Variants in RPH3AL observed in about 807,000 individuals in gnomAD.
RPH3AL encodes the protein rab effector Noc2.
Under a neutral mutation model 43.1 loss-of-function variants are expected in RPH3AL, and 38 were observed. The ratio of observed to expected loss-of-function variants is 0.88; its 90% CI spans 0.68 to 1.15. The LOEUF (loss-of-function observed/expected upper bound fraction) is 1.15, where lower values mean the gene tolerates loss of function less well. RPH3AL is among the 50% of genes most tolerant of loss of function. The probability of loss-of-function intolerance (pLI) is 0.00; values close to 1 mark genes in which losing one functional copy is unlikely to be tolerated. For synonymous variants in RPH3AL, 189 were observed against 176.3 expected (o/e 1.07, Z -0.57); for missense variants, 462 against 423.2 (o/e 1.09, Z -0.81).
intron 6 of RPH3AL, among the ~76,000 whole-genome samples, chr17:253,522 T>G (rs2041969214): frequency 6.6e-6 from 1 of 152,164 alleles, no homozygotes; most frequent in Admixed American, 6.5e-5. Flanking sequence ...TAAAAATGTT[T>G]CCATTGTATT....
rs116821239 is a variant in RPH3AL, at chr17:280,946, A to T, written c.438+822T>A. Among the ~76,000 whole-genome samples the T allele has an allele frequency of 5.2e-3, 786 of 152,282 alleles. 6 individuals are homozygous for T. Among genetic ancestry groups the T allele is most frequent in the African/African-American group, 0.017 (723 of 41,560 alleles). On this transcript the variant is annotated intron_variant, in intron 6 of 9. Coordinates refer to ENST00000331302, the MANE Select transcript of RPH3AL (RefSeq NM_006987.4). ...TGTGACAAGCAAGATTTAAAAAGTA[A>T]TAAATCCTGATCTGGAAGACCAGCT... is the stretch of plus-strand genomic sequence containing the variant.
chr17:275,872 T>C (rs2042644180), intron 6 of RPH3AL, among the ~76,000 whole-genome samples: 1 of 152,210 alleles, frequency 6.6e-6, no homozygotes, highest in African/African-American at 2.4e-5. Flanking sequence ...TTTATTTAAA[T>C]CTTGAACACA....
At chr17:324,528 C>T (rs1340453326) in intron 3 of RPH3AL, among the ~76,000 whole-genome samples, 4 of 152,182 alleles carry the variant, frequency 2.6e-5, no homozygotes, top group Non-Finnish European at 5.9e-5. Flanking sequence ...CCCCGCACGG[C>T]GCCCTCGTCT....
chr17:251,945 C>T (rs529709494), intron 6 of RPH3AL, among the ~76,000 whole-genome samples: 1 of 151,606 alleles, frequency 6.6e-6, no homozygotes, highest in African/African-American at 2.4e-5. Context: ...GTCTCCCCCA[C>T]CCGCCTTGGA....
intron 7 of RPH3AL, among the ~76,000 whole-genome samples, chr17:230,098 C>T (rs759202893): frequency 5.3e-5 from 8 of 152,288 alleles, no homozygotes; most frequent in South Asian, 2.1e-4. Context: ...GAAAGGCCCC[C>T]GAGGACAGCC....
At chr17:319,233 C>T (rs113445295) in intron 5 of RPH3AL, among the ~76,000 whole-genome samples, 187 bp downstream of exon 5, 2,185 of 152,292 alleles carry the variant, frequency 0.014, 54 homozygotes, top group African/African-American at 0.049. Context: ...CAAGCTGAGA[C>T]GCAGAGCTGG....
At chr17:315,091 G>A (rs1598090179) in intron 5 of RPH3AL, among the ~76,000 whole-genome samples, 1 of 135,116 alleles carries the variant, frequency 7.4e-6, no homozygotes, top group Admixed American at 7.7e-5. Context: ...CCACTGAATT[G>A]TAGTCCCTGT....
chr17:293,249 T>A (rs1051280162), intron 5 of RPH3AL, among the ~76,000 whole-genome samples: 1 of 151,466 alleles, frequency 6.6e-6, no homozygotes, highest in African/African-American at 2.4e-5. Flanking sequence ...ACCTCCTCCC[T>A]CCGCCTGCCA....
At chr17:242,369 T>C (rs1489043921) in intron 7 of RPH3AL, among the ~76,000 whole-genome samples, 4 of 21,070 alleles carry the variant, frequency 1.9e-4, no homozygotes, top group African/African-American at 6.1e-4. Context: ...CTCTATTGAC[T>C]ACCTTCCTCT....
intron 7 of RPH3AL, among the ~76,000 whole-genome samples, chr17:242,242 T>C (rs531017915): frequency 2.4e-4 from 37 of 152,180 alleles, no homozygotes; most frequent in Non-Finnish European, 4.1e-4. Context: ...GTAGTATCTA[T>C]TCATGATTAC....
chr17:297,549 C>T lies in RPH3AL; in HGVS notation c.352-15695G>A, dbSNP rs372400346. Among the ~76,000 whole-genome samples the T allele has an allele frequency of 4.1e-4, 63 of 152,302 alleles. No homozygotes were observed. The South Asian group carries it at 5.6e-3, about 14-fold the overall frequency. ...GCCCACTGGAGAATGTGCTGCGGAT[C>T]GGGCGTGGGTGGGAGAAATCCACAC... On this transcript the variant is annotated intron_variant, in intron 5 of 9. Transcript: ENST00000331302.
chr17:270,987 C>T (rs2042449825), intron 6 of RPH3AL, among the ~76,000 whole-genome samples: 4 of 152,054 alleles, frequency 2.6e-5, no homozygotes, highest in Admixed American at 2.0e-4. Context: ...TTCAGCTTTC[C>T]ACGTATGGCT....
Position 326,493 on chromosome 17 carries a change from G to C in RPH3AL, c.77+974C>G, listed in dbSNP as rs188450457. ...CAGCGAGGGACTGGAAGGCAGGCAA[G>C]GCATCTGAGAACCCCCATCTCCAGC... is the stretch of plus-strand genomic sequence containing the variant. On this transcript the variant is annotated intron_variant, in intron 3 of 9. Coordinates refer to ENST00000331302, the MANE Select transcript of RPH3AL (RefSeq NM_006987.4). Among the ~76,000 whole-genome samples, 376 of 152,284 alleles carry C rather than the reference G, an allele frequency of 2.5e-3. 1 individual carries two copies. Among genetic ancestry groups the C allele is most frequent in the African/African-American group, 8.2e-3 (341 of 41,560 alleles).
chr17:213,782 G>A lies in RPH3AL; in HGVS notation c.*70C>T, dbSNP rs1056485557. The A allele has an allele frequency of 6.1e-6, 8 of 1,303,344 alleles. No homozygotes were observed. In the East Asian group the frequency reaches 9.5e-5, roughly 16 times the overall value. The allele number at this position is 1,303,344 out of a possible 1,614,324, so 80.7% of individuals were successfully genotyped here. ...GTGTCTGGTGAGGGCACAAGGACCG[G>A]TCAGGGAGGAGCCGGGCAGGGTCTG... On this transcript the variant is annotated 3_prime_UTR_variant, in exon 10 of 10. Transcript: ENST00000331302.
chr17:238,904 C>T (rs980250163), intron 7 of RPH3AL, among the ~76,000 whole-genome samples: 22 of 152,178 alleles, frequency 1.4e-4, no homozygotes, highest in African/African-American at 5.1e-4. Context: ...GGGACCAGGC[C>T]CTATGCAAAA....
chr17:325,395 T>G (rs573148304), intron 3 of RPH3AL, among the ~76,000 whole-genome samples: 320 of 152,268 alleles, frequency 2.1e-3, no homozygotes, highest in African/African-American at 7.0e-3. Flanking sequence ...TCCATCTTCC[T>G]TCCACACTGT....
At chr17:315,138 AC>A in intron 5 of RPH3AL, among the ~76,000 whole-genome samples, 1 of 150,140 alleles carries the variant, frequency 6.7e-6, no homozygotes, top group Admixed American at 6.7e-5. Flanking sequence ...TCTGTGCTCC[AC>A]CTCCATTGAC....
At chr17:308,379 A>G (rs1444127020) in intron 5 of RPH3AL, among the ~76,000 whole-genome samples, 1 of 152,208 alleles carries the variant, frequency 6.6e-6, no homozygotes, top group African/African-American at 2.4e-5. Context: ...GCTGCCACGG[A>G]AAGCAGGGTG....
At chr17:300,121 C>T (rs1279896554) in intron 5 of RPH3AL, among the ~76,000 whole-genome samples, 5 of 54,224 alleles carry the variant, frequency 9.2e-5, no homozygotes. Flanking sequence ...GAATCTCTCA[C>T]CCGCTCTAGC....
Sources: allele counts gnomAD v4.1 joint callset (sites outside exome capture counted in the v4.1 genomes callset), GRCh38; gene constraint gnomAD v4.1.1; transcripts MANE v1.5; gene names NCBI Gene and HGNC (gene_info 2026-07-23, HGNC 2026-07-21).